Variants in ZFAND3 observed in about 807,000 individuals in gnomAD.
ZFAND3 encodes AN1-type zinc finger protein 3.
Under a neutral mutation model 29.6 loss-of-function variants are expected in ZFAND3, and 10 were observed. The ratio of observed to expected loss-of-function variants is 0.34; its 90% CI spans 0.21 to 0.57. ZFAND3 has a LOEUF of 0.57. Among genes scored for constraint, ZFAND3 ranks in the 20% least tolerant of loss-of-function variants. The pLI is 0.86. For synonymous variants in ZFAND3, 128 were observed against 112.6 expected (o/e 1.14, Z -0.87); for missense variants, 230 against 304.5 (o/e 0.76, Z 1.82).
intron 1 of ZFAND3, among the ~76,000 whole-genome samples, chr6:37,912,940 T>C (rs1330360210): frequency 6.6e-6 from 1 of 152,226 alleles, no homozygotes; most frequent in Non-Finnish European, 1.5e-5. Flanking sequence ...CGAGTACATA[T>C]AAAAGTTATG....
intron 1 of ZFAND3, among the ~76,000 whole-genome samples, chr6:37,866,118 G>T (rs965299992): frequency 2.0e-5 from 3 of 152,050 alleles, no homozygotes; most frequent in Non-Finnish European, 2.9e-5. Context: ...AGCTGCCCCA[G>T]GCTCTGTAGT....
chr6:38,115,397 A>G (rs1281292858), intron 4 of ZFAND3, among the ~76,000 whole-genome samples: 1 of 152,208 alleles, frequency 6.6e-6, no homozygotes, highest in East Asian at 1.9e-4. Flanking sequence ...TCACTCTGAC[A>G]AGGGGAGCTA....
At chr6:37,919,180 C>A (rs1761326291) in intron 1 of ZFAND3, among the ~76,000 whole-genome samples, 1 of 152,018 alleles carries the variant, frequency 6.6e-6, no homozygotes, top group South Asian at 2.1e-4. Context: ...TCTGAATCTC[C>A]TCACCTCATG....
intron 1 of ZFAND3, among the ~76,000 whole-genome samples, chr6:37,849,205 G>A (rs1764237109): frequency 6.6e-6 from 1 of 152,114 alleles, no homozygotes; most frequent in African/African-American, 2.4e-5. Context: ...GGAGAGACGG[G>A]GGAGGACCAT....
At chr6:37,844,957 G>T (rs1187722627) in intron 1 of ZFAND3, among the ~76,000 whole-genome samples, 1 of 151,190 alleles carries the variant, frequency 6.6e-6, no homozygotes, top group African/African-American at 2.4e-5. Flanking sequence ...CCAGAAGGTG[G>T]AGCTTGCAGT....
At chr6:38,123,450 A>G (rs1334578496) in intron 5 of ZFAND3, among the ~76,000 whole-genome samples, 1 of 152,242 alleles carries the variant, frequency 6.6e-6, no homozygotes, top group African/African-American at 2.4e-5. Context: ...GTGAGGCAGT[A>G]TGTTCTTATA....
chr6:38,083,118 G>C (rs770098301), intron 4 of ZFAND3, among the ~76,000 whole-genome samples: 5 of 152,120 alleles, frequency 3.3e-5, no homozygotes, highest in Non-Finnish European at 5.9e-5. Context: ...ATTTGGAAGA[G>C]TCAAAATAAT....
At chr6:37,988,205 C>T (rs1285236414) in intron 2 of ZFAND3, among the ~76,000 whole-genome samples, 2 of 152,114 alleles carry the variant, frequency 1.3e-5, no homozygotes, top group Non-Finnish European at 2.9e-5. Context: ...TTATTATTAC[C>T]CCATTGGCCT....
chr6:38,109,042 C>G (rs994320995), intron 4 of ZFAND3, among the ~76,000 whole-genome samples: 1 of 151,908 alleles, frequency 6.6e-6, no homozygotes, highest in Non-Finnish European at 1.5e-5. Flanking sequence ...TGTCCTCTCT[C>G]AACACTCGTA....
intron 2 of ZFAND3, among the ~76,000 whole-genome samples, chr6:37,951,857 T>C (rs1014483469): frequency 9.9e-5 from 15 of 152,182 alleles, no homozygotes; most frequent in African/African-American, 3.6e-4. Flanking sequence ...TATTTTGAGG[T>C]ATGTTCCTTC....
At position 37,860,655 on chromosome 6, in the gene ZFAND3, T is replaced by TTTTG. The variant is rs553527543; in HGVS notation, c.71+40641_71+40642insTGTT. Among the ~76,000 whole-genome samples the TTTTG allele has an allele frequency of 2.4e-3, 340 of 144,490 alleles. 1 individual carries two copies. The highest frequency in any genetic ancestry group is 7.4e-3 in the African/African-American group (280 of 37,608). 94.8% of individuals were successfully genotyped at this position (144,490 alleles called of 152,430 possible). A position where few individuals can be genotyped will look rare whatever the true frequency, so the allele number is the denominator to read the frequency against. ...TCACTTAGTTTTTTTTTTTTTTTTTTTTAAGTAGGTTTAGATTTTAGTTAA... is the reference window on the plus strand; with the variant it reads ...TCACTTAGTTTTTTTTTTTTTTTTTTTTTGTTAAGTAGGTTTAGATTTTAGTTAA... On this transcript the variant is annotated intron_variant, in intron 1 of 5. Transcript: ENST00000287218.
intron 5 of ZFAND3, among the ~76,000 whole-genome samples, chr6:38,118,269 G>A (rs1765459785): frequency 6.6e-6 from 1 of 152,186 alleles, no homozygotes; most frequent in Non-Finnish European, 1.5e-5. Context: ...CACTGTGGAT[G>A]GCTGAGGAAA....
chr6:38,110,322 G>A (rs951903046), intron 4 of ZFAND3, among the ~76,000 whole-genome samples: 1 of 152,148 alleles, frequency 6.6e-6, no homozygotes, highest in South Asian at 2.1e-4. Context: ...TTAATGGGTA[G>A]CAAGGTGTTT....
At chr6:38,079,565 A>T (rs554475704) in intron 3 of ZFAND3, among the ~76,000 whole-genome samples, 180 of 152,276 alleles carry the variant, frequency 1.2e-3, no homozygotes, top group Non-Finnish European at 2.1e-3. Flanking sequence ...TCTCAGCCAG[A>T]TTTCTTTAGG....
At chr6:38,143,609 TGAG>T (rs1478600216) in intron 5 of ZFAND3, among the ~76,000 whole-genome samples, 1 of 152,258 alleles carries the variant, frequency 6.6e-6, no homozygotes, top group Non-Finnish European at 1.5e-5. Flanking sequence ...ATGAAATTGT[TGAG>T]GAGGAGTGTG....
chr6:37,941,847 A>G (rs999459078), intron 2 of ZFAND3, among the ~76,000 whole-genome samples: 1 of 152,164 alleles, frequency 6.6e-6, no homozygotes, highest in African/African-American at 2.4e-5. Context: ...TGTTGTATCC[A>G]TATTTATCAG....
At chr6:37,945,038 G>A (rs891277005) in intron 2 of ZFAND3, among the ~76,000 whole-genome samples, 1 of 152,140 alleles carries the variant, frequency 6.6e-6, no homozygotes, top group African/African-American at 2.4e-5. Context: ...ACCAGTATGG[G>A]TGCTCCCGGA....
chr6:37,842,562 C>A (rs901731277), intron 1 of ZFAND3, among the ~76,000 whole-genome samples: 1 of 152,022 alleles, frequency 6.6e-6, no homozygotes, highest in Non-Finnish European at 1.5e-5. Flanking sequence ...TCTCTATTCT[C>A]CTGTTTATAT....
chr6:38,126,089 A>G (rs1357770381), intron 5 of ZFAND3, among the ~76,000 whole-genome samples: 2 of 152,134 alleles, frequency 1.3e-5, no homozygotes, highest in African/African-American at 4.8e-5. Context: ...CAGTCGATCC[A>G]TATTCTCTCC....
Sources: allele counts gnomAD v4.1 joint callset (sites outside exome capture counted in the v4.1 genomes callset), GRCh38; gene constraint gnomAD v4.1.1; transcripts MANE v1.5; gene names NCBI Gene and HGNC (gene_info 2026-07-23, HGNC 2026-07-21).